NRXN1: variants seen among roughly 807,000 people sequenced by gnomAD.
NRXN1 encodes neurexin-1.
In NRXN1, 39 loss-of-function variants were observed where a neutral mutation model predicts 150.9. The observed-to-expected ratio is 0.26, with a 90% CI of 0.20 to 0.34. NRXN1 has a LOEUF of 0.34. Among genes scored for constraint, NRXN1 ranks in the 10% least tolerant of loss-of-function variants. The probability of loss-of-function intolerance (pLI) is 1.00; values close to 1 mark genes in which losing one functional copy is unlikely to be tolerated. For synonymous variants in NRXN1, 924 were observed against 757.0 expected, an observed-to-expected ratio of 1.22 and a Z score of -3.62; for missense variants, 1,815 against 1,949.9, an observed-to-expected ratio of 0.93 and a Z score of 1.30.
chr2:50,066,203 T>G (rs1330122512), intron 19 of NRXN1, among the ~76,000 whole-genome samples: 1 of 152,170 alleles, frequency 6.6e-6, no homozygotes, highest in Non-Finnish European at 1.5e-5. Flanking sequence ...ATATAAGCAG[T>G]GCCCATGTAC....
chr2:50,252,860 A>AT (rs1331340940), intron 17 of NRXN1, among the ~76,000 whole-genome samples: 4 of 152,052 alleles, frequency 2.6e-5, no homozygotes, highest in African/African-American at 9.7e-5. Context: ...CTCCAGGTTT[A>AT]TTCTCTTCAT....
chr2:50,607,126 G>A (rs1677258359), intron 8 of NRXN1, among the ~76,000 whole-genome samples: 1 of 152,112 alleles, frequency 6.6e-6, no homozygotes, highest in Non-Finnish European at 1.5e-5. Context: ...GGGATAAAAT[G>A]CCATAAAATT....
chr2:50,187,661 T>C (rs952439143), intron 18 of NRXN1, among the ~76,000 whole-genome samples: 1 of 152,116 alleles, frequency 6.6e-6, no homozygotes, highest in African/African-American at 2.4e-5. Context: ...GGGATGGCAT[T>C]GAATCTATAC....
intron 18 of NRXN1, among the ~76,000 whole-genome samples, chr2:50,133,889 C>T (rs1705957790): frequency 6.6e-6 from 1 of 152,158 alleles, no homozygotes; most frequent in South Asian, 2.1e-4. Context: ...TCTAATACTC[C>T]TCTTCAATTT....
intron 5 of NRXN1, among the ~76,000 whole-genome samples, chr2:50,825,892 T>C (rs1670382438): frequency 6.6e-6 from 1 of 152,170 alleles, no homozygotes; most frequent in African/African-American, 2.4e-5. Flanking sequence ...CAGGTGTCTG[T>C]TGGAGAACTG....
At chr2:50,151,918 G>C (rs941477176) in intron 18 of NRXN1, among the ~76,000 whole-genome samples, 2 of 151,712 alleles carry the variant, frequency 1.3e-5, no homozygotes, top group Non-Finnish European at 2.9e-5. Flanking sequence ...CAGATTTTAA[G>C]CAGCTAGAGA....
At chr2:50,890,694 T>G (rs1680916777) in intron 5 of NRXN1, among the ~76,000 whole-genome samples, 1 of 151,874 alleles carries the variant, frequency 6.6e-6, no homozygotes, top group Non-Finnish European at 1.5e-5. Flanking sequence ...AAATTTTATT[T>G]CCATTTATAT....
chr2:50,996,075 C>G (rs1699240590), intron 2 of NRXN1, among the ~76,000 whole-genome samples: 1 of 151,988 alleles, frequency 6.6e-6, no homozygotes, highest in African/African-American at 2.4e-5. Context: ...GAAGAGTGAG[C>G]AGGTTCTGCA....
intron 5 of NRXN1, among the ~76,000 whole-genome samples, chr2:50,900,882 G>T (rs756725316): frequency 6.6e-6 from 1 of 151,988 alleles, no homozygotes; most frequent in Non-Finnish European, 1.5e-5. Flanking sequence ...AGGAAGAGAT[G>T]GTTCTCCTAA....
At chr2:50,922,615 A>AGAAAACACT in intron 4 of NRXN1, 43 bp downstream of exon 4, 1 of 1,603,540 alleles carries the variant, frequency 6.2e-7, no homozygotes, top group Non-Finnish European at 8.5e-7. Flanking sequence ...CTACAGAACA[A>AGAAAACACT]GAAAACACTG....
chr2:50,501,358 G>A (rs1441996921), intron 13 of NRXN1, among the ~76,000 whole-genome samples: 5 of 150,934 alleles, frequency 3.3e-5, no homozygotes, highest in African/African-American at 1.2e-4. Flanking sequence ...AGGAGGATTT[G>A]AAGCAGGGGT....
intron 21 of NRXN1, among the ~76,000 whole-genome samples, chr2:50,012,209 CAG>C (rs1383599419): frequency 2.0e-5 from 3 of 152,024 alleles, no homozygotes; most frequent in African/African-American, 7.2e-5. Context: ...TTGATCAAAA[CAG>C]GGGCATGAAT....
At chr2:50,695,702 G>A (rs147991849) in intron 5 of NRXN1, among the ~76,000 whole-genome samples, 12 of 152,226 alleles carry the variant, frequency 7.9e-5, no homozygotes, top group South Asian at 2.1e-4. Context: ...AAATGTCGAC[G>A]TGCTATAGTA....
At chr2:50,656,836 C>A (rs1326909513) in intron 5 of NRXN1, among the ~76,000 whole-genome samples, 3 of 151,772 alleles carry the variant, frequency 2.0e-5, no homozygotes, top group Non-Finnish European at 4.4e-5. Flanking sequence ...GAGATGCTAT[C>A]ATTGAAATTA....
At chr2:50,722,880 C>T (rs1019240546) in intron 5 of NRXN1, among the ~76,000 whole-genome samples, 1 of 152,066 alleles carries the variant, frequency 6.6e-6, no homozygotes, top group Non-Finnish European at 1.5e-5. Flanking sequence ...CTTGAATTTC[C>T]ACTCAGTGTT....
intron 5 of NRXN1, among the ~76,000 whole-genome samples, chr2:50,887,662 C>T (rs1269050180): frequency 1.3e-5 from 2 of 151,298 alleles, no homozygotes; most frequent in African/African-American, 2.4e-5. Flanking sequence ...CATCCTTGAG[C>T]TTGCCATTTG....
intron 18 of NRXN1, among the ~76,000 whole-genome samples, chr2:50,231,018 A>G (rs2064888246): frequency 6.6e-6 from 1 of 152,090 alleles, no homozygotes; most frequent in Non-Finnish European, 1.5e-5. Flanking sequence ...TCTAATTCAT[A>G]TAAGAATTAG....
intron 5 of NRXN1, among the ~76,000 whole-genome samples, chr2:50,639,400 C>T (rs1313291018): frequency 1.3e-5 from 2 of 151,418 alleles, no homozygotes; most frequent in Non-Finnish European, 2.9e-5. Flanking sequence ...TTTGTATTTT[C>T]AGTAGAGACA....
chr2:50,211,713 T>C (rs1371067385), intron 18 of NRXN1, among the ~76,000 whole-genome samples: 1 of 151,406 alleles, frequency 6.6e-6, no homozygotes, highest in Non-Finnish European at 1.5e-5. Flanking sequence ...AAAACAACAG[T>C]ATAGTATATT....
Sources: allele counts gnomAD v4.1 joint callset (sites outside exome capture counted in the v4.1 genomes callset), GRCh38; gene constraint gnomAD v4.1.1; transcripts MANE v1.5; gene names NCBI Gene and HGNC (gene_info 2026-07-23, HGNC 2026-07-21).